Variants in CDK14 observed in about 807,000 individuals in gnomAD.
CDK14 encodes cyclin-dependent kinase 14.
Under a neutral mutation model 60.7 loss-of-function variants are expected in CDK14, and 34 were observed. That is an observed-to-expected ratio of 0.56 (90% CI 0.43 to 0.75). The LOEUF is 0.75. Ranked by LOEUF, CDK14 falls within the 30% of genes least tolerant of loss-of-function variation. The probability of loss-of-function intolerance (pLI) is 0.00; values close to 1 mark genes in which losing one functional copy is unlikely to be tolerated. For missense variants in CDK14, 482 were observed against 564.1 expected, an observed-to-expected ratio of 0.85 and a Z score of 1.47; for synonymous variants, 197 against 203.7, an observed-to-expected ratio of 0.97 and a Z score of 0.28.
chr7:90,707,079 A>C (rs1271186312), intron 2 of CDK14, among the ~76,000 whole-genome samples: 2 of 152,116 alleles, frequency 1.3e-5, no homozygotes, highest in Non-Finnish European at 2.9e-5. Flanking sequence ...GCATATAAGC[A>C]AACTTTTGAT....
intron 4 of CDK14, among the ~76,000 whole-genome samples, chr7:90,769,470 CTTTCTTT>C (rs1481481982): frequency 1.4e-5 from 2 of 144,178 alleles, no homozygotes; most frequent in Non-Finnish European, 1.5e-5. Context: ...TTTCTCTTTT[CTTTCTTT>C]TTTTTTTTGA....
intron 12 of CDK14, among the ~76,000 whole-genome samples, chr7:91,109,589 G>A (rs534355355): frequency 1.3e-5 from 2 of 152,220 alleles, no homozygotes; most frequent in Non-Finnish European, 2.9e-5. Flanking sequence ...TAATCTGGTA[G>A]CAGTAATTCC....
chr7:90,720,299 T>A (rs1802400833), intron 2 of CDK14, among the ~76,000 whole-genome samples: 1 of 151,980 alleles, frequency 6.6e-6, no homozygotes, highest in Non-Finnish European at 1.5e-5. Context: ...CAAAGGCAAT[T>A]TTGGAGACAA....
intron 7 of CDK14, among the ~76,000 whole-genome samples, chr7:90,913,233 C>T (rs1184410397): frequency 1.3e-5 from 2 of 152,094 alleles, no homozygotes; most frequent in African/African-American, 4.8e-5. Flanking sequence ...TAGAAGAACT[C>T]GCTAAAGCTT....
chr7:91,167,240 A>C (rs1481400542), intron 14 of CDK14, among the ~76,000 whole-genome samples: 1 of 152,180 alleles, frequency 6.6e-6, no homozygotes, highest in African/African-American at 2.4e-5. Flanking sequence ...TCTTCTAAAG[A>C]TTTTCTTCAT....
intron 10 of CDK14, 92 bp from the exon 11 acceptor site, chr7:91,045,805 A>G: frequency 1.3e-6 from 1 of 754,754 alleles, no homozygotes; most frequent in South Asian, 1.7e-5. Context: ...CCAGAGTTTC[A>G]TAATATGTAG....
intron 5 of CDK14, among the ~76,000 whole-genome samples, chr7:90,818,322 A>G (rs1789428033): frequency 6.6e-6 from 1 of 152,216 alleles, no homozygotes; most frequent in South Asian, 2.1e-4. Flanking sequence ...TATTTACATC[A>G]CACGATGGAA....
intron 9 of CDK14, among the ~76,000 whole-genome samples, chr7:90,983,308 T>C (rs1291648842): frequency 1.3e-5 from 2 of 152,004 alleles, no homozygotes; most frequent in African/African-American, 4.8e-5. Context: ...TCAACCTAGG[T>C]GCCCATCAAC....
chr7:90,638,004 T>A (rs1441507349), intron 2 of CDK14, among the ~76,000 whole-genome samples: 1 of 141,748 alleles, frequency 7.1e-6, no homozygotes, highest in African/African-American at 2.7e-5. Flanking sequence ...TTCATCCTTT[T>A]ATTTTGAGCC....
At chr7:90,616,847 T>C (rs1799659721) in intron 2 of CDK14, among the ~76,000 whole-genome samples, 1 of 152,150 alleles carries the variant, frequency 6.6e-6, no homozygotes, top group African/African-American at 2.4e-5. Context: ...GCATTCCCTT[T>C]AGTTACCTTA....
chr7:90,836,246 CTT>C (rs147243373), intron 5 of CDK14, among the ~76,000 whole-genome samples: 4,551 of 152,260 alleles, frequency 0.03, 80 homozygotes, highest in African/African-American at 0.057. Context: ...CTTTTAGACT[CTT>C]TTATAATAAC....
chr7:91,064,572 C>G (rs763189605), intron 11 of CDK14, among the ~76,000 whole-genome samples: 3 of 152,182 alleles, frequency 2.0e-5, no homozygotes, highest in Non-Finnish European at 2.9e-5. Context: ...TATCCTAGCT[C>G]TTTGGTAAGA....
intron 14 of CDK14, among the ~76,000 whole-genome samples, chr7:91,198,722 G>A (rs543192843): frequency 1.1e-4 from 17 of 152,242 alleles, no homozygotes; most frequent in Admixed American, 5.2e-4. Context: ...GCATGTTTCC[G>A]CTAAATAAGA....
intron 7 of CDK14, among the ~76,000 whole-genome samples, chr7:90,906,071 G>C (rs1792687662): frequency 6.6e-6 from 1 of 152,116 alleles, no homozygotes; most frequent in African/African-American, 2.4e-5. Flanking sequence ...CTATGACATA[G>C]TGACAGATAT....
intron 14 of CDK14, among the ~76,000 whole-genome samples, chr7:91,147,455 C>G (rs1471425952): frequency 6.6e-6 from 1 of 152,064 alleles, no homozygotes; most frequent in African/African-American, 2.4e-5. Context: ...ACATTCTCCC[C>G]AGCCCCATGT....
chr7:91,065,671 T>G (rs537185071), intron 11 of CDK14, among the ~76,000 whole-genome samples: 1 of 152,328 alleles, frequency 6.6e-6, no homozygotes, highest in African/African-American at 2.4e-5. Context: ...TGTGAATACT[T>G]GTGAGTGTAG....
At chr7:91,018,777 G>T (rs943825862) in intron 10 of CDK14, among the ~76,000 whole-genome samples, 1 of 152,132 alleles carries the variant, frequency 6.6e-6, no homozygotes, top group Non-Finnish European at 1.5e-5. Flanking sequence ...TCCCCTTCAT[G>T]TTCCTCCATG....
intron 7 of CDK14, among the ~76,000 whole-genome samples, chr7:90,905,429 A>G (rs959686226): frequency 6.6e-6 from 1 of 151,988 alleles, no homozygotes; most frequent in African/African-American, 2.4e-5. Context: ...GTGCAGGGGA[A>G]AGAAAGGTAT....
chr7:90,942,995 A>G (rs1358852682), intron 8 of CDK14, among the ~76,000 whole-genome samples: 4 of 152,160 alleles, frequency 2.6e-5, no homozygotes, highest in Non-Finnish European at 5.9e-5. Flanking sequence ...TTTAAAAAAA[A>G]CTGTCGAGTC....
Sources: allele counts gnomAD v4.1 joint callset (sites outside exome capture counted in the v4.1 genomes callset), GRCh38; gene constraint gnomAD v4.1.1; transcripts MANE v1.5; gene names NCBI Gene and HGNC (gene_info 2026-07-23, HGNC 2026-07-21).